Variants in USP1 observed in about 807,000 individuals in gnomAD.
USP1 encodes the protein ubiquitin carboxyl-terminal hydrolase 1.
In USP1, 18 loss-of-function variants were observed where a neutral mutation model predicts 72.2. The observed-to-expected ratio is 0.25, with a 90% CI of 0.17 to 0.37. The LOEUF is 0.37. USP1 is among the 10% of genes least tolerant of loss of function. The pLI is 1.00. For synonymous variants in USP1, 354 were observed against 303.7 expected (o/e 1.17, Z -1.72); for missense variants, 759 against 884.9 (o/e 0.86, Z 1.81).
In USP1 at chr1:62,450,609, T is replaced by C. The variant is rs201247199; in HGVS notation, c.1986T>C (p.Asn662=). The change falls in exon 9 of 9, where the codon AAT becomes AAC. Residue 662 remains asparagine (N), a synonymous_variant. Transcript: ENST00000339950. ...TQPSKVLNKK[N]VEAIGLLGGQ... is the part of the protein sequence containing the mutation. ...CAAGTAAAGTTTTGAACAAAAAAAA[T>C]GTAGAAGCTATTGGACTTCTTGGAG... is the stretch of plus-strand genomic sequence containing the variant. The C allele has an allele frequency of 1.9e-6, 3 of 1,614,034 alleles. No homozygotes were observed. Among genetic ancestry groups the C allele is most frequent in the Non-Finnish European group, 2.5e-6 (3 of 1,179,996 alleles).
At chr1:62,447,240 CTG>C in intron 6 of USP1, 99 bp from the exon 7 acceptor site, 1 of 1,141,248 alleles carries the variant, frequency 8.8e-7, no homozygotes, top group Non-Finnish European at 1.2e-6. Flanking sequence ...GAAAATGGAA[CTG>C]TTATTCATGA....
Position 62,445,433 on chromosome 1 carries a change from A to G in USP1, c.1249+4A>G, listed in dbSNP as rs1645165032. ...GAAGTTAAACCCATAAACAAAGGTT[A>G]GTATAATTCTTAGACTTTGATAGGT... On this transcript the variant is annotated splice_donor_region_variant and intron_variant, in intron 6 of 8. Transcript: ENST00000339950. 1 of 1,528,338 alleles carries G rather than the reference A, an allele frequency of 6.5e-7. No homozygotes were observed. The highest frequency in any genetic ancestry group is 8.7e-7 in the Non-Finnish European group (1 of 1,143,232). The allele number at this position is 1,528,338 out of a possible 1,614,324, so 94.7% of individuals were successfully genotyped here.
chr1:62,443,868 C>T (rs575030697), intron 5 of USP1, among the ~76,000 whole-genome samples: 4 of 152,084 alleles, frequency 2.6e-5, no homozygotes, highest in African/African-American at 9.7e-5. Flanking sequence ...TATAAAATAG[C>T]CTTATTCAAA....
chr1:62,446,005 AG>A (rs1470200202), intron 6 of USP1, among the ~76,000 whole-genome samples: 5 of 152,176 alleles, frequency 3.3e-5, no homozygotes, highest in Non-Finnish European at 7.3e-5. Flanking sequence ...ATAATAAAGT[AG>A]GGAAGTTCAG....
At position 62,439,811 on chromosome 1, in the gene USP1, A is replaced by T. The variant is rs534244761; in HGVS notation, c.-57A>T. The T allele has an allele frequency of 2.3e-6, 3 of 1,308,654 alleles. No homozygotes were observed. In the South Asian group the frequency reaches 8.3e-5, roughly 36 times the overall value. 81.1% of individuals were successfully genotyped at this position (1,308,654 alleles called of 1,614,324 possible). On this transcript the variant is annotated 5_prime_UTR_variant, in exon 2 of 9. An upstream open reading frame in the 5' UTR loses its in-frame stop. Transcript: ENST00000339950. The stretch of plus-strand genomic sequence containing the variant: ...CTGTGATTAACAGATATAATTGGTG[A>T]TTACAACTTTCCTCTATAAATTAAC...
In USP1 at chr1:62,447,285, G is replaced by A; in HGVS notation, c.1250-56G>A. The A allele has an allele frequency of 2.0e-6, 3 of 1,493,438 alleles. 1 individual carries two copies. Among genetic ancestry groups the A allele is most frequent in the South Asian group, 2.6e-5 (2 of 76,234 alleles). 92.5% of individuals were successfully genotyped at this position (1,493,438 alleles called of 1,614,324 possible). A position where few individuals can be genotyped will look rare whatever the true frequency, so the allele number is the denominator to read the frequency against. The stretch of plus-strand genomic sequence containing the variant: ...TATTTAAATGGAAAATTGGTTATTT[G>A]GACTATAATGAGAAACTAATCTGTA... On this transcript the variant is annotated intron_variant, in intron 6 of 8. Coordinates refer to ENST00000339950, the MANE Select transcript of USP1 (RefSeq NM_003368.5).
chr1:62,442,122 C>T, intron 3 of USP1, 73 bp from the exon 4 acceptor site: 1 of 1,030,824 alleles, frequency 9.7e-7, no homozygotes, highest in Non-Finnish European at 1.4e-6. Context: ...CTATAGAAAG[C>T]ATGATGTTGT....
chr1:62,449,032 G>A (rs1645195345), intron 8 of USP1, among the ~76,000 whole-genome samples: 1 of 152,058 alleles, frequency 6.6e-6, no homozygotes. Flanking sequence ...ACAGGTGCAT[G>A]CCACCATGCC....
intron 5 of USP1, 40 bp downstream of exon 5, chr1:62,443,359 A>G (rs1413390896): frequency 1.5e-5 from 23 of 1,531,328 alleles, no homozygotes; most frequent in African/African-American, 2.8e-5. Flanking sequence ...CAATTTAGCT[A>G]CTTGTTTATA....
chr1:62,441,632 CAT>C, intron 3 of USP1, 24 bp downstream of exon 3: 1 of 1,598,224 alleles, frequency 6.3e-7, no homozygotes, highest in African/African-American at 1.3e-5. Context: ...TTTGCTATAT[CAT>C]AAAGCTTTAG....
chr1:62,443,430 T>C, intron 5 of USP1, 111 bp downstream of exon 5: 2 of 1,142,180 alleles, frequency 1.8e-6, no homozygotes, highest in Non-Finnish European at 2.4e-6. Flanking sequence ...GTAGAAACTC[T>C]AGGTCCACAG....
chr1:62,440,363 T>TTA (rs150171344), intron 2 of USP1, among the ~76,000 whole-genome samples: 5,437 of 148,684 alleles, frequency 0.037, 105 homozygotes, highest in Non-Finnish European at 0.047. Context: ...GTAAAAGGTT[T>TTA]TATATATATA....
chr1:62,448,967 TG>T (rs1350752048), intron 8 of USP1, among the ~76,000 whole-genome samples: 1 of 152,154 alleles, frequency 6.6e-6, no homozygotes, highest in African/African-American at 2.4e-5. Flanking sequence ...ACTGCAGTCT[TG>T]ACCTCCCAGG....
intron 6 of USP1, among the ~76,000 whole-genome samples, chr1:62,446,847 T>G (rs1383709620): frequency 6.6e-6 from 1 of 152,136 alleles, no homozygotes; most frequent in Non-Finnish European, 1.5e-5. Context: ...AGAGTTTTGC[T>G]CTTGTTGCCC....
intron 2 of USP1, 43 bp from the exon 3 acceptor site, chr1:62,441,445 C>A: frequency 2.6e-6 from 4 of 1,510,684 alleles, no homozygotes; most frequent in Non-Finnish European, 3.5e-6. Context: ...CACCTTGTTT[C>A]TTTAAGATAA....
In USP1 at chr1:62,451,062, G is replaced by A. The variant is rs1645213326; in HGVS notation, c.*81G>A. ...AGTTGATTACATCAAAGAATCTTTA[G>A]CTTATCTTTTGAAGCTACTGGATAT... On this transcript the variant is annotated 3_prime_UTR_variant, in exon 9 of 9. Transcript: ENST00000339950. The A allele has an allele frequency of 7.3e-7, 1 of 1,362,508 alleles. No homozygotes were observed. Among genetic ancestry groups the A allele is most frequent in the South Asian group, 1.5e-5 (1 of 65,512 alleles). The allele number at this position is 1,362,508 out of a possible 1,614,324, so 84.4% of individuals were successfully genotyped here. A position where few individuals can be genotyped will look rare whatever the true frequency, so the allele number is the denominator to read the frequency against.
chr1:62,437,614 C>T (rs868505678), intron 1 of USP1, among the ~76,000 whole-genome samples: 6 of 151,890 alleles, frequency 4.0e-5, no homozygotes, highest in Non-Finnish European at 2.9e-5. Context: ...AATAGGCCAA[C>T]TCCGCGGCGA....
chr1:62,442,368 G>C (rs1645140025), intron 4 of USP1, 69 bp downstream of exon 4: 1 of 1,139,960 alleles, frequency 8.8e-7, no homozygotes, highest in Non-Finnish European at 1.3e-6. Context: ...TACTTGCCTG[G>C]AAATGAAGAG....
Position 62,441,472 on chromosome 1 carries a change from CT to C in USP1, c.171-14del, listed in dbSNP as rs767954594. ...TTAAGATAACTACTTATCGTTCTCC[CT>C]TCTATATTTCATAGTGATCAAGTTG... is the stretch of plus-strand genomic sequence containing the variant. On this transcript the variant is annotated splice_polypyrimidine_tract_variant and intron_variant, in intron 2 of 8. Transcript: ENST00000339950. 1 of 1,587,074 alleles carries C rather than the reference CT, an allele frequency of 6.3e-7. No individual in the cohort carries two copies. Among genetic ancestry groups the C allele is most frequent in the South Asian group, 1.2e-5 (1 of 85,980 alleles).
Sources: gnomAD v4.1 joint callset for allele counts (sites outside exome capture counted in the v4.1 genomes callset) on GRCh38, gnomAD v4.1.1 for gene constraint, MANE v1.5 for transcripts, NCBI Gene and HGNC (gene_info 2026-07-23, HGNC 2026-07-21) for gene names.